The following GRID2 variants were observed in gnomAD, a reference collection of about 807,000 sequenced individuals.
The protein encoded by GRID2 is glutamate receptor ionotropic, delta-2.
GRID2 carries 33 observed loss-of-function variants against 114.8 expected under a neutral mutation model. That is an observed-to-expected ratio of 0.29 (90% CI 0.22 to 0.38). The LOEUF (loss-of-function observed/expected upper bound fraction) is 0.38. Among genes scored for constraint, GRID2 ranks in the 10% least tolerant of loss-of-function variants. The pLI, the probability that GRID2 is intolerant of heterozygous loss-of-function variation, is 1.00. For missense variants in GRID2, 1,184 were observed against 1,257.7 expected (o/e 0.94, Z 0.89); for synonymous variants, 505 against 449.9 (o/e 1.12, Z -1.55).
At chr4:92,838,812 G>A (rs1378838899) in intron 2 of GRID2, 1 of 151,858 alleles carries the variant, frequency 6.6e-6, no homozygotes, top group African/African-American at 2.4e-5. Context: ...AGGTGAGCAG[G>A]GAACTTTAGC....
chr4:93,313,945 C>T (rs1176937169), intron 8 of GRID2, among the ~76,000 whole-genome samples: 7 of 152,124 alleles, frequency 4.6e-5, no homozygotes, highest in African/African-American at 1.7e-4. Flanking sequence ...AAAAAGTCTA[C>T]CTGACTCAAA....
intron 14 of GRID2, among the ~76,000 whole-genome samples, chr4:93,665,999 G>A (rs554126633): frequency 6.6e-6 from 1 of 152,182 alleles, no homozygotes; most frequent in Non-Finnish European, 1.5e-5. Flanking sequence ...GAGTAGTAGA[G>A]CACTTATATG....
intron 1 of GRID2, among the ~76,000 whole-genome samples, chr4:92,405,720 A>T (rs1730996226): frequency 6.6e-6 from 1 of 151,986 alleles, no homozygotes; most frequent in Non-Finnish European, 1.5e-5. Context: ...GTAATACAAA[A>T]AAAAAAAAAT....
chr4:93,477,689 A>G (rs1354316997), intron 11 of GRID2, among the ~76,000 whole-genome samples: 1 of 152,168 alleles, frequency 6.6e-6, no homozygotes, highest in Non-Finnish European at 1.5e-5. Flanking sequence ...CTGACCCAAT[A>G]AAGTTCTTGT....
At chr4:92,926,557 A>G (rs1361172121) in intron 2 of GRID2, among the ~76,000 whole-genome samples, 3 of 152,016 alleles carry the variant, frequency 2.0e-5, no homozygotes, top group East Asian at 1.9e-4. Flanking sequence ...CCTTTCAAGT[A>G]TAACTGCTGA....
intron 2 of GRID2, among the ~76,000 whole-genome samples, chr4:92,783,406 T>G (rs558493446): frequency 6.6e-6 from 1 of 152,244 alleles, no homozygotes; most frequent in East Asian, 1.9e-4. Flanking sequence ...TACTAGATAT[T>G]GCCTTTTAAA....
chr4:92,886,088 A>G (rs1746348470), intron 2 of GRID2, among the ~76,000 whole-genome samples: 1 of 152,150 alleles, frequency 6.6e-6, no homozygotes, highest in Non-Finnish European at 1.5e-5. Flanking sequence ...TACAACTTTC[A>G]GCCCTTTCTA....
chr4:92,729,571 G>A (rs369781340), intron 2 of GRID2, among the ~76,000 whole-genome samples: 63 of 152,040 alleles, frequency 4.1e-4, no homozygotes, highest in East Asian at 3.5e-3. Flanking sequence ...TGTTTAATGC[G>A]CTAAAGCGTA....
intron 14 of GRID2, among the ~76,000 whole-genome samples, chr4:93,758,562 C>T (rs1732952405): frequency 6.6e-6 from 1 of 152,118 alleles, no homozygotes; most frequent in African/African-American, 2.4e-5. Context: ...AAATGTTTGT[C>T]TCTTCAAAAA....
intron 13 of GRID2, among the ~76,000 whole-genome samples, chr4:93,536,648 T>C (rs1019018623): frequency 7.6e-6 from 1 of 131,850 alleles, no homozygotes. Flanking sequence ...TTTTGACTTC[T>C]TTTTTTTTTT....
At chr4:92,379,688 A>G (rs1729521992) in intron 1 of GRID2, among the ~76,000 whole-genome samples, 1 of 151,952 alleles carries the variant, frequency 6.6e-6, no homozygotes, top group South Asian at 2.1e-4. Context: ...GCCCCAAAAA[A>G]GATACACTGG....
chr4:93,625,414 T>C (rs1233205865), intron 13 of GRID2, among the ~76,000 whole-genome samples: 1 of 152,206 alleles, frequency 6.6e-6, no homozygotes, highest in Non-Finnish European at 1.5e-5. Context: ...CCTAAAAGTA[T>C]AGTAAACATT....
chr4:93,349,075 C>T (rs993657567), intron 8 of GRID2, among the ~76,000 whole-genome samples: 1 of 151,936 alleles, frequency 6.6e-6, no homozygotes, highest in Non-Finnish European at 1.5e-5. Flanking sequence ...GAATGGCAGG[C>T]GAGAAAGAAC....
intron 14 of GRID2, among the ~76,000 whole-genome samples, chr4:93,663,428 C>A (rs1723675335): frequency 6.6e-6 from 1 of 152,170 alleles, no homozygotes; most frequent in Admixed American, 6.5e-5. Flanking sequence ...ACCAACGGTG[C>A]AAACCTTTGG....
chr4:93,007,264 C>A (rs1434175959), intron 2 of GRID2, among the ~76,000 whole-genome samples: 2 of 151,840 alleles, frequency 1.3e-5, no homozygotes, highest in Admixed American at 6.6e-5. Context: ...AAATAAGGAT[C>A]TTCAGCCACA....
intron 1 of GRID2, among the ~76,000 whole-genome samples, chr4:92,558,233 G>A (rs1489058840): frequency 6.6e-6 from 1 of 152,096 alleles, no homozygotes; most frequent in Non-Finnish European, 1.5e-5. Flanking sequence ...AGGTCAATTA[G>A]AAAACTATGC....
chr4:93,263,891 C>A (rs1431763065), intron 8 of GRID2, among the ~76,000 whole-genome samples: 1 of 152,116 alleles, frequency 6.6e-6, no homozygotes. Flanking sequence ...ATCTTAATTG[C>A]TATGAAATGG....
chr4:93,446,458 A>G lies in GRID2; in HGVS notation c.1546-9204A>G, dbSNP rs191500272. Among the ~76,000 whole-genome samples, 97 of 152,184 alleles carry G rather than the reference A, an allele frequency of 6.4e-4. No homozygotes were observed. In the Middle Eastern group the frequency reaches 0.01, roughly 16 times the overall value. On this transcript the variant is annotated intron_variant, in intron 10 of 15. Transcript: ENST00000282020. Reference sequence around the variant, plus strand: ...CTATCTTATGTAATCTGCCGTGCTGATCAGTTAGACTAATAAACCAAGAGA... The same window carrying G: ...CTATCTTATGTAATCTGCCGTGCTGGTCAGTTAGACTAATAAACCAAGAGA...
At chr4:93,466,959 T>TTTAC (rs1724337748) in intron 11 of GRID2, among the ~76,000 whole-genome samples, 1 of 152,174 alleles carries the variant, frequency 6.6e-6, no homozygotes, top group South Asian at 2.1e-4. Context: ...AACTTAAATG[T>TTTAC]AATACATATT....
Sources: allele counts gnomAD v4.1 joint callset (sites outside exome capture counted in the v4.1 genomes callset), GRCh38; gene constraint gnomAD v4.1.1; transcripts MANE v1.5; gene names NCBI Gene and HGNC (gene_info 2026-07-23, HGNC 2026-07-21).